Variants in MTHFD2L observed in about 807,000 individuals in gnomAD.
MTHFD2L encodes bifunctional methylenetetrahydrofolate dehydrogenase/cyclohydrolase 2, mitochondrial.
A neutral mutation model predicts 34.9 loss-of-function variants in MTHFD2L; 29 were observed. The observed-to-expected ratio is 0.83, with a 90% confidence interval of 0.62 to 1.13. The LOEUF (loss-of-function observed/expected upper bound fraction) is 1.13, where lower values mean the gene tolerates loss of function less well. MTHFD2L is among the 50% of genes most tolerant of loss of function. The pLI is 0.00. For synonymous variants in MTHFD2L, 167 were observed against 155.7 expected (o/e 1.07, Z -0.54); for missense variants, 481 against 446.5 (o/e 1.08, Z -0.70).
chr4:74,196,647 C>G (rs768280551), intron 3 of MTHFD2L, among the ~76,000 whole-genome samples: 2 of 151,828 alleles, frequency 1.3e-5, no homozygotes, highest in African/African-American at 2.4e-5. Context: ...ATAAATACAT[C>G]GCAAAAATAT....
chr4:74,214,570 T>G (rs1736876903), intron 5 of MTHFD2L, among the ~76,000 whole-genome samples: 1 of 151,824 alleles, frequency 6.6e-6, no homozygotes, highest in African/African-American at 2.4e-5. Context: ...TGCCTGTTCT[T>G]TCCTCTGGAA....
At chr4:74,285,917 T>C (rs1748114363) in intron 7 of MTHFD2L, among the ~76,000 whole-genome samples, 1 of 152,218 alleles carries the variant, frequency 6.6e-6, no homozygotes, top group South Asian at 2.1e-4. Flanking sequence ...CTGTTACTAT[T>C]ACTGTCTAGG....
At chr4:74,289,109 TACTC>T (rs1748559837) in intron 7 of MTHFD2L, among the ~76,000 whole-genome samples, 1 of 152,216 alleles carries the variant, frequency 6.6e-6, no homozygotes, top group Non-Finnish European at 1.5e-5. Context: ...ACAAAGTACT[TACTC>T]ACCAGTAGCT....
intron 1 of MTHFD2L, among the ~76,000 whole-genome samples, chr4:74,170,576 GA>G (rs1403483667): frequency 1.3e-5 from 2 of 151,894 alleles, no homozygotes; most frequent in Non-Finnish European, 2.9e-5. Context: ...TCCATAAAAG[GA>G]AAAAATAATA....
At chr4:74,207,833 T>C (rs1578469303) in intron 5 of MTHFD2L, among the ~76,000 whole-genome samples, 1 of 145,532 alleles carries the variant, frequency 6.9e-6, no homozygotes, top group South Asian at 2.2e-4. Context: ...AACACAGTAG[T>C]GGATGCTTGA....
intron 6 of MTHFD2L, among the ~76,000 whole-genome samples, chr4:74,262,248 TAAAG>T (rs1560540568): frequency 6.6e-6 from 1 of 151,810 alleles, no homozygotes; most frequent in Non-Finnish European, 1.5e-5. Flanking sequence ...TCAGATGAGA[TAAAG>T]AACATAAATT....
chr4:74,188,006 A>G (rs1405373902), intron 3 of MTHFD2L, among the ~76,000 whole-genome samples: 1 of 152,228 alleles, frequency 6.6e-6, no homozygotes, highest in Non-Finnish European at 1.5e-5. Flanking sequence ...GTGATATTCC[A>G]TACAATAGAA....
intron 6 of MTHFD2L, among the ~76,000 whole-genome samples, chr4:74,252,058 G>A (rs941812741): frequency 1.3e-5 from 2 of 152,200 alleles, no homozygotes; most frequent in African/African-American, 4.8e-5. Context: ...ATATAGCTGA[G>A]AGCCATGTCT....
At chr4:74,169,128 C>T (rs1479909865) in intron 1 of MTHFD2L, among the ~76,000 whole-genome samples, 1 of 152,154 alleles carries the variant, frequency 6.6e-6, no homozygotes. Context: ...CCTAATTTAC[C>T]CATAAACACC....
At chr4:74,171,486 C>T (rs1349998840) in intron 1 of MTHFD2L, among the ~76,000 whole-genome samples, 2 of 152,168 alleles carry the variant, frequency 1.3e-5, no homozygotes, top group African/African-American at 4.8e-5. Flanking sequence ...CCTAGCCATT[C>T]CCCTTTGAGA....
chr4:74,139,154 C>T (rs979211200), intron 1 of MTHFD2L, among the ~76,000 whole-genome samples: 2 of 152,030 alleles, frequency 1.3e-5, no homozygotes, highest in African/African-American at 4.8e-5. Flanking sequence ...TTTGTTTTTC[C>T]ACTAGGTCAC....
chr4:74,191,858 C>G (rs2110024043), intron 3 of MTHFD2L, among the ~76,000 whole-genome samples: 1 of 152,176 alleles, frequency 6.6e-6, no homozygotes, highest in African/African-American at 2.4e-5. Flanking sequence ...TGCCTGACCT[C>G]TTTGTATTTT....
chr4:74,143,503 G>C, intron 1 of MTHFD2L: 1 of 920,382 alleles, frequency 1.1e-6, no homozygotes, highest in Non-Finnish European at 1.3e-6. Flanking sequence ...TGGATGGAAG[G>C]GGCAGAAGAC....
At chr4:74,190,484 G>A (rs1732281030) in intron 3 of MTHFD2L, 1 of 985,248 alleles carries the variant, frequency 1.0e-6, no homozygotes, top group Non-Finnish European at 1.2e-6. Flanking sequence ...CAGAAGGGTG[G>A]AGAACCAGAC....
At chr4:74,259,183 G>A in intron 6 of MTHFD2L, among the ~76,000 whole-genome samples, 1 of 152,110 alleles carries the variant, frequency 6.6e-6, no homozygotes, top group East Asian at 1.9e-4. Flanking sequence ...TCTCCAGAAG[G>A]AGCAGGCTGC....
chr4:74,283,151 A>G (rs895824435), intron 7 of MTHFD2L, among the ~76,000 whole-genome samples: 14 of 152,176 alleles, frequency 9.2e-5, no homozygotes, highest in African/African-American at 3.4e-4. Context: ...GGATGTTTGC[A>G]GTTCACAGCC....
At chr4:74,174,378 A>G in intron 1 of MTHFD2L, 128 bp from the exon 2 acceptor site, 1 of 609,380 alleles carries the variant, frequency 1.6e-6, no homozygotes, top group East Asian at 3.4e-5. Flanking sequence ...TGTCACTATA[A>G]TTGAAAAAAA....
Position 74,266,473 on chromosome 4 carries a change from C to T in MTHFD2L, c.806-14952C>T, listed in dbSNP as rs551906866. Among the ~76,000 whole-genome samples, 4 of 152,288 alleles carry T rather than the reference C, an allele frequency of 2.6e-5. No individual in the cohort carries two copies. The South Asian group carries it at 8.3e-4, about 32-fold the overall frequency. ...AATTATTTGGGACCATACCACCTTTCCAACCACTACACAGGCTATAGGAAA... is the reference window on the plus strand; with the variant it reads ...AATTATTTGGGACCATACCACCTTTTCAACCACTACACAGGCTATAGGAAA... On this transcript the variant is annotated intron_variant, in intron 6 of 7. Coordinates refer to ENST00000325278, the MANE Select transcript of MTHFD2L (RefSeq NM_001144978.3).
At chr4:74,225,175 A>C (rs1738943427) in intron 5 of MTHFD2L, 127 bp from the exon 6 acceptor site, 1 of 694,730 alleles carries the variant, frequency 1.4e-6, no homozygotes, top group Non-Finnish European at 2.4e-6. Context: ...TTGTGCTCAA[A>C]GTGATTTAGT....
Sources: allele counts gnomAD v4.1 joint callset (sites outside exome capture counted in the v4.1 genomes callset), GRCh38; gene constraint gnomAD v4.1.1; transcripts MANE v1.5; gene names NCBI Gene and HGNC (gene_info 2026-07-23, HGNC 2026-07-21).